SLC35F5: variants seen among roughly 807,000 people sequenced by gnomAD.
SLC35F5 encodes the protein solute carrier family 35 member F5, also known as HCV NS5A-transactivated protein 3.
SLC35F5 carries 54 observed loss-of-function variants against 68.6 expected under a neutral mutation model. That is an observed-to-expected ratio of 0.79 (90% CI 0.63 to 0.99). The LOEUF is 0.99. Among genes scored for constraint, SLC35F5 ranks in the 50% least tolerant of loss-of-function variants. The pLI, the probability that SLC35F5 is intolerant of heterozygous loss-of-function variation, is 0.00. For missense variants in SLC35F5, 567 were observed against 626.9 expected (o/e 0.90, Z 1.02); for synonymous variants, 211 against 205.2 (o/e 1.03, Z -0.24).
At chr2:113,731,214 T>A (rs1687871680) in intron 10 of SLC35F5, among the ~76,000 whole-genome samples, 1 of 152,074 alleles carries the variant, frequency 6.6e-6, no homozygotes, top group Admixed American at 6.6e-5. Context: ...ACTTCTGCAT[T>A]TAAAGGAAAC....
rs1686887931 is a variant in SLC35F5, at chr2:113,709,069, A to T, written c.*6149T>A. Among the ~76,000 whole-genome samples the T allele has an allele frequency of 2.0e-5, 3 of 152,266 alleles. No individual in the cohort carries two copies. Among genetic ancestry groups the T allele is most frequent in the Non-Finnish European group, 4.4e-5 (3 of 68,050 alleles). ...GAGTCAAGATGCTGAACACCCTAAC[A>T]AAAGCAAAAACAAAATTACGGCCTA... On this transcript the variant is annotated 3_prime_UTR_variant, in exon 16 of 16. Transcript: ENST00000245680.
chr2:113,740,738 T>C (rs1676233647), intron 7 of SLC35F5, among the ~76,000 whole-genome samples: 1 of 152,158 alleles, frequency 6.6e-6, no homozygotes. Flanking sequence ...GCGATTCTCC[T>C]GCCTCAGCCT....
chr2:113,713,536 C>T lies in SLC35F5; in HGVS notation c.*1682G>A, dbSNP rs893088006. 6 of 152,098 alleles carry T rather than the reference C, an allele frequency of 3.9e-5. No individual in the cohort carries two copies. The highest frequency in any genetic ancestry group is 8.8e-5 in the Non-Finnish European group (6 of 68,028). 9.4% of individuals were successfully genotyped at this position (152,098 alleles called of 1,614,324 possible). ...AAAGTAGAGGTATCTAGATTATAAA[C>T]TTCAACCAAAAGTAGTCCTTGAGTA... is the stretch of plus-strand genomic sequence containing the variant. On this transcript the variant is annotated 3_prime_UTR_variant, in exon 16 of 16. Coordinates refer to ENST00000245680, the MANE Select transcript of SLC35F5 (RefSeq NM_025181.5).
intron 7 of SLC35F5, among the ~76,000 whole-genome samples, chr2:113,740,841 G>A (rs1320342641): frequency 6.6e-6 from 1 of 152,094 alleles, no homozygotes; most frequent in African/African-American, 2.4e-5. Flanking sequence ...TGGCCAGGAT[G>A]GTCTCAATCT....
intron 5 of SLC35F5, 109 bp from the exon 6 acceptor site, chr2:113,743,903 T>C: frequency 1.2e-6 from 1 of 814,732 alleles, no homozygotes; most frequent in African/African-American, 1.7e-5. Flanking sequence ...ACGTGGTTGT[T>C]CACCACCAAG....
intron 10 of SLC35F5, among the ~76,000 whole-genome samples, chr2:113,730,737 C>T (rs1326567041): frequency 6.6e-6 from 1 of 152,170 alleles, no homozygotes; most frequent in Non-Finnish European, 1.5e-5. Flanking sequence ...CTCAGCCCAG[C>T]TAGGTTCTGA....
chr2:113,715,453 C>T (rs79806156), intron 15 of SLC35F5, among the ~76,000 whole-genome samples: 3,751 of 152,166 alleles, frequency 0.025, 177 homozygotes, highest in African/African-American at 0.085. Context: ...TCCACCATTA[C>T]TCCTGCAAAG....
intron 11 of SLC35F5, 114 bp from the exon 12 acceptor site, chr2:113,725,651 T>A: frequency 1.1e-6 from 1 of 907,040 alleles, no homozygotes; most frequent in Non-Finnish European, 1.6e-6. Context: ...GAGGTTTCCT[T>A]AGCTAAAACT....
intron 4 of SLC35F5, among the ~76,000 whole-genome samples, chr2:113,748,022 G>A (rs1047770360): frequency 5.3e-5 from 8 of 152,152 alleles, no homozygotes; most frequent in Admixed American, 3.9e-4. Flanking sequence ...AACCCAGGAG[G>A]TGGAGGTTTC....
rs1157089769 is a variant in SLC35F5 at position 113,709,554 on chromosome 2, C to G, written c.*5664G>C. Among the ~76,000 whole-genome samples the G allele has an allele frequency of 6.6e-6, 1 of 152,188 alleles. No homozygotes were observed. The highest frequency in any genetic ancestry group is 6.5e-5 in the Admixed American group (1 of 15,278). ...AGTCTCAGGCAGGTTGCATTAACCTCCACTTCACAGCTAAGTAAATGCGGA... is the reference window on the plus strand; with the variant it reads ...AGTCTCAGGCAGGTTGCATTAACCTGCACTTCACAGCTAAGTAAATGCGGA... On this transcript the variant is annotated 3_prime_UTR_variant, in exon 16 of 16. Coordinates refer to ENST00000245680, the MANE Select transcript of SLC35F5 (RefSeq NM_025181.5).
At chr2:113,742,177 T>C (rs995432826) in intron 7 of SLC35F5, 10 of 152,742 alleles carry the variant, frequency 6.5e-5, no homozygotes, top group African/African-American at 2.4e-4. Flanking sequence ...GTTTTCAGTT[T>C]CTATCTTTAA....
chr2:113,715,521 A>T (rs1023624963), intron 15 of SLC35F5, among the ~76,000 whole-genome samples: 2 of 151,978 alleles, frequency 1.3e-5, no homozygotes, highest in South Asian at 4.1e-4. Flanking sequence ...CCTAGTCTTC[A>T]CTCTCTCCTT....
At chr2:113,735,139 T>A (rs1282388221) in intron 8 of SLC35F5, among the ~76,000 whole-genome samples, 1 of 152,106 alleles carries the variant, frequency 6.6e-6, no homozygotes, top group Non-Finnish European at 1.5e-5. Context: ...TAGAAAAAGA[T>A]CTCTGGAAAG....
At chr2:113,736,822 T>C (rs1432052851) in intron 7 of SLC35F5, among the ~76,000 whole-genome samples, 1 of 152,226 alleles carries the variant, frequency 6.6e-6, no homozygotes, top group African/African-American at 2.4e-5. Flanking sequence ...CTTCCACTTA[T>C]CTAGGTTAGG....
Position 113,750,414 on chromosome 2 carries a change from TA to T in SLC35F5, c.417+10del. On this transcript the variant is annotated intron_variant, in intron 4 of 15. Coordinates refer to ENST00000245680, the MANE Select transcript of SLC35F5 (RefSeq NM_025181.5). The stretch of plus-strand genomic sequence containing the variant: ...CCCCTTCCTAACAGACAGTTAAAAT[TA>T]AAAACTTACAAAAGCAGCATGCTTT... The T allele has an allele frequency of 6.3e-7, 1 of 1,584,174 alleles. No individual in the cohort carries two copies. Among genetic ancestry groups the T allele is most frequent in the Non-Finnish European group, 8.6e-7 (1 of 1,166,416 alleles).
At chr2:113,719,584 T>A (rs149074230) in intron 13 of SLC35F5, 1 of 260,108 alleles carries the variant, frequency 3.8e-6, no homozygotes, top group South Asian at 7.6e-5. Context: ...TTTATAGGCA[T>A]TGTACACTTA....
At chr2:113,755,065 C>G in intron 3 of SLC35F5, 100 bp downstream of exon 3, 1 of 1,251,354 alleles carries the variant, frequency 8.0e-7, no homozygotes, top group African/African-American at 1.5e-5. Flanking sequence ...TAAGATACTG[C>G]TTTTAGAAAG....
At chr2:113,702,719 G>T (rs375574025), downstream of SLC35F5, among the ~76,000 whole-genome samples, 3 of 152,080 alleles carry the variant, frequency 2.0e-5, no homozygotes, top group East Asian at 5.8e-4. Context: ...CTTTTTTACA[G>T]GAAGATTTTA....
chr2:113,718,106 C>A (rs749068189), intron 14 of SLC35F5, among the ~76,000 whole-genome samples: 28 of 152,036 alleles, frequency 1.8e-4, no homozygotes, highest in Non-Finnish European at 4.1e-4. Flanking sequence ...AAATAAGAGA[C>A]AGGGTATCAC....
Sources: allele counts gnomAD v4.1 joint callset (sites outside exome capture counted in the v4.1 genomes callset), GRCh38; gene constraint gnomAD v4.1.1; transcripts MANE v1.5; gene names NCBI Gene and HGNC (gene_info 2026-07-23, HGNC 2026-07-21).